The following CACNA2D1 variants were observed in gnomAD, a reference collection of about 807,000 sequenced individuals.
CACNA2D1 encodes the protein voltage-dependent calcium channel subunit alpha-2/delta-1.
CACNA2D1 carries 53 observed loss-of-function variants against 171.5 expected under a neutral mutation model. That is an observed-to-expected ratio of 0.31 (90% CI 0.25 to 0.39). The LOEUF is 0.39. Among genes scored for constraint, CACNA2D1 ranks in the 10% least tolerant of loss-of-function variants. CACNA2D1 has a pLI of 1.00. For missense variants in CACNA2D1, 903 were observed against 1,299.8 expected, an observed-to-expected ratio of 0.69 and a Z score of 4.69; for synonymous variants, 442 against 443.1, an observed-to-expected ratio of 1.00 and a Z score of 0.03.
intron 4 of CACNA2D1, among the ~76,000 whole-genome samples, chr7:82,158,488 A>T (rs774817915): frequency 1.7e-4 from 26 of 151,736 alleles, no homozygotes; most frequent in Middle Eastern, 3.2e-3. Flanking sequence ...AAAAAAAAAG[A>T]AAGTAAATTT....
At chr7:82,107,034 G>A (rs1787842305) in intron 6 of CACNA2D1, among the ~76,000 whole-genome samples, 2 of 151,864 alleles carry the variant, frequency 1.3e-5, no homozygotes, top group Non-Finnish European at 2.9e-5. Context: ...TTATATATTT[G>A]GCCAAATATA....
intron 3 of CACNA2D1, among the ~76,000 whole-genome samples, chr7:82,313,305 A>C (rs1369155450): frequency 6.6e-6 from 1 of 151,970 alleles, no homozygotes; most frequent in African/African-American, 2.4e-5. Flanking sequence ...TATTTCTTTG[A>C]CCTATTTTGA....
At chr7:82,133,869 G>C (rs763476524) in intron 5 of CACNA2D1, among the ~76,000 whole-genome samples, 1 of 152,050 alleles carries the variant, frequency 6.6e-6, no homozygotes, top group East Asian at 1.9e-4. Flanking sequence ...TCAGGAGATC[G>C]AGACCATCCT....
chr7:82,292,663 A>G (rs1811792896), intron 3 of CACNA2D1, among the ~76,000 whole-genome samples: 1 of 151,994 alleles, frequency 6.6e-6, no homozygotes, highest in Non-Finnish European at 1.5e-5. Context: ...ATGTACTGTC[A>G]TTTATCTTTC....
Position 81,971,471 on chromosome 7 carries a change from AC to A in CACNA2D1, c.2141+305del, listed in dbSNP as rs200486365. Among the ~76,000 whole-genome samples, 1,214 of 151,692 alleles carry A rather than the reference AC, an allele frequency of 8.0e-3. 17 individuals carry two copies. Among genetic ancestry groups the A allele is most frequent in the African/African-American group, 0.027 (1,127 of 41,494 alleles). ...TGGATGTATGGTAATGCTATTAGAA[AC>A]CCAAATAAACACTGACTAGAAATCC... On this transcript the variant is annotated intron_variant, in intron 26 of 38. Coordinates refer to ENST00000356860, the MANE Select transcript of CACNA2D1 (RefSeq NM_000722.4).
At chr7:82,023,264 C>G (rs1160323056) in intron 12 of CACNA2D1, among the ~76,000 whole-genome samples, 1 of 151,908 alleles carries the variant, frequency 6.6e-6, no homozygotes, top group Non-Finnish European at 1.5e-5. Flanking sequence ...TAATTTGGAA[C>G]AGCTGTGTGA....
At chr7:82,251,460 T>G (rs1366889279) in intron 3 of CACNA2D1, among the ~76,000 whole-genome samples, 2 of 152,160 alleles carry the variant, frequency 1.3e-5, no homozygotes, top group Non-Finnish European at 2.9e-5. Context: ...CATTGTACAT[T>G]CATGGTACCT....
chr7:81,963,667 T>C (rs1197066904), intron 34 of CACNA2D1, among the ~76,000 whole-genome samples: 3 of 151,960 alleles, frequency 2.0e-5, no homozygotes, highest in Non-Finnish European at 4.4e-5. Context: ...ATGAATTTGA[T>C]GCATGTAGAC....
At chr7:82,431,727 C>T (rs10486958) in intron 1 of CACNA2D1, among the ~76,000 whole-genome samples, 8,719 of 152,056 alleles carry the variant, frequency 0.057, 304 homozygotes, top group Non-Finnish European at 0.079. Flanking sequence ...CCGAGGATTG[C>T]CTTGAAGGTT....
intron 7 of CACNA2D1, among the ~76,000 whole-genome samples, chr7:82,068,276 G>A (rs1038135254): frequency 6.6e-6 from 1 of 151,822 alleles, no homozygotes; most frequent in African/African-American, 2.4e-5. Context: ...AGATATTTTT[G>A]TAGAGGAGAG....
At chr7:82,435,058 C>T (rs1287987568) in intron 1 of CACNA2D1, among the ~76,000 whole-genome samples, 2 of 100,006 alleles carry the variant, frequency 2.0e-5, no homozygotes, top group Admixed American at 1.4e-4. Context: ...TTTTTTGAGA[C>T]GGAGTCTCAC....
intron 24 of CACNA2D1, among the ~76,000 whole-genome samples, chr7:81,978,753 G>GTGCGTGTATATATA (rs145105210): frequency 7.2e-6 from 1 of 139,478 alleles, no homozygotes; most frequent in Non-Finnish European, 1.5e-5. Flanking sequence ...TTTAAAAAGT[G>GTGCGTGTATATATA]TATATATATA....
At chr7:82,378,648 A>G (rs1053868005) in intron 1 of CACNA2D1, among the ~76,000 whole-genome samples, 1 of 152,076 alleles carries the variant, frequency 6.6e-6, no homozygotes, top group African/African-American at 2.4e-5. Flanking sequence ...AATTCTCCAG[A>G]CTTGTTAAAA....
chr7:82,193,141 A>C (rs1798507399), intron 3 of CACNA2D1, among the ~76,000 whole-genome samples: 1 of 151,682 alleles, frequency 6.6e-6, no homozygotes, highest in Non-Finnish European at 1.5e-5. Context: ...TGGAATGAGA[A>C]TTGCACTTTA....
chr7:81,978,750 A>AGTGTGCGT lies in CACNA2D1; in HGVS notation c.1955+3816_1955+3817insACGCACAC, dbSNP rs541384324. 6.5e-3 allele frequency among the ~76,000 whole-genome samples: 499 copies of AGTGTGCGT among 76,758 alleles called. 1 individual carries two copies. The highest frequency in any genetic ancestry group is 8.7e-3 in the Admixed American group (65 of 7,432). The allele number at this position is 76,758 out of a possible 152,430, so 50.4% of individuals were successfully genotyped here. On this transcript the variant is annotated intron_variant, in intron 24 of 38. Transcript: ENST00000356860. Reference sequence around the variant, plus strand: ...AAGTTAAAGTAAATTTTTTTTAAAAAGTGTATATATATATATATATACACA... The same window carrying AGTGTGCGT: ...AAGTTAAAGTAAATTTTTTTTAAAAAGTGTGCGTGTGTATATATATATATATATACACA...
chr7:82,309,555 T>C (rs576644578), intron 3 of CACNA2D1, among the ~76,000 whole-genome samples: 1 of 152,356 alleles, frequency 6.6e-6, no homozygotes, highest in Admixed American at 6.5e-5. Context: ...GCCTCTGTAA[T>C]ATTTTTTATG....
chr7:82,443,903 C>T (rs1008574862), upstream of CACNA2D1: 25 of 379,486 alleles, frequency 6.6e-5, no homozygotes, highest in South Asian at 3.5e-3. Flanking sequence ...CGGGGAATGG[C>T]AGGCAGAGAG....
chr7:82,047,359 G>A (rs1402709786), intron 10 of CACNA2D1, among the ~76,000 whole-genome samples: 1 of 152,064 alleles, frequency 6.6e-6, no homozygotes, highest in East Asian at 1.9e-4. Context: ...TGACCAATAT[G>A]TACAATATTT....
chr7:82,158,155 TCTTG>T (rs1485932360), intron 4 of CACNA2D1, among the ~76,000 whole-genome samples: 1 of 152,010 alleles, frequency 6.6e-6, no homozygotes, highest in African/African-American at 2.4e-5. Flanking sequence ...GAAATTATAT[TCTTG>T]CTTTGTACAA....
Sources: gnomAD v4.1 joint callset for allele counts (sites outside exome capture counted in the v4.1 genomes callset) on GRCh38, gnomAD v4.1.1 for gene constraint, MANE v1.5 for transcripts, NCBI Gene and HGNC (gene_info 2026-07-23, HGNC 2026-07-21) for gene names.